Variants in PCDHA3 observed in about 807,000 individuals in gnomAD.
PCDHA3 encodes protocadherin alpha 3, also known as protocadherin alpha-3.
Under a neutral mutation model 62.2 loss-of-function variants are expected in PCDHA3, and 41 were observed. The ratio of observed to expected loss-of-function variants is 0.66; its 90% CI spans 0.51 to 0.86. The LOEUF (loss-of-function observed/expected upper bound fraction) is 0.86. Ranked by LOEUF, PCDHA3 falls within the 40% of genes least tolerant of loss-of-function variation. PCDHA3 has a pLI of 0.00. For synonymous variants in PCDHA3, 640 were observed against 555.4 expected, an observed-to-expected ratio of 1.15 and a Z score of -2.14; for missense variants, 1,304 against 1,241.2, an observed-to-expected ratio of 1.05 and a Z score of -0.76.
chr5:140,843,077 G>A, intron 1 of PCDHA3: 1 of 1,595,414 alleles, frequency 6.3e-7, no homozygotes, highest in South Asian at 1.1e-5. Context: ...GCGGTCTGTG[G>A]GCGCGGGCCA....
chr5:140,812,406 A>G (rs2150029972), intron 1 of PCDHA3: 1 of 151,748 alleles, frequency 6.6e-6, no homozygotes, highest in Admixed American at 6.6e-5. Context: ...GGGGCTTGTC[A>G]GTTTTGTTGT....
intron 1 of PCDHA3, among the ~76,000 whole-genome samples, chr5:140,976,505 C>T (rs538128648): frequency 3.3e-5 from 5 of 152,122 alleles, no homozygotes; most frequent in East Asian, 3.9e-4. Flanking sequence ...GAGCCAAGAT[C>T]GCGCCACTGC....
At chr5:140,858,889 A>G (rs1265560651) in intron 1 of PCDHA3, 1 of 236,296 alleles carries the variant, frequency 4.2e-6, no homozygotes. Context: ...CATGTGTAGA[A>G]TATGTGTAGC....
At chr5:140,872,425 G>A (rs1280008446) in intron 1 of PCDHA3, among the ~76,000 whole-genome samples, 3 of 151,980 alleles carry the variant, frequency 2.0e-5, no homozygotes, top group African/African-American at 7.3e-5. Flanking sequence ...CCAAGAGTTC[G>A]AGGCCTGCCT....
At chr5:140,822,309 C>T (rs2150115372) in intron 1 of PCDHA3, 2 of 1,614,162 alleles carry the variant, frequency 1.2e-6, no homozygotes, top group East Asian at 2.2e-5. Context: ...AATATTTTGA[C>T]TTAGATGTTA....
chr5:140,826,634 T>TTA (rs1768995547), intron 1 of PCDHA3, among the ~76,000 whole-genome samples: 4 of 152,118 alleles, frequency 2.6e-5, no homozygotes, highest in Admixed American at 2.6e-4. Flanking sequence ...GCCCTGACTT[T>TTA]TATATGAAGG....
Position 140,966,227 on chromosome 5 carries a change from A to T in PCDHA3, c.2395-12722A>T, listed in dbSNP as rs556655692. The T allele has an allele frequency of 3.7e-5, 10 of 270,804 alleles. No individual in the cohort carries two copies. The South Asian group carries it at 1.7e-3, about 46-fold the overall frequency. 16.8% of individuals were successfully genotyped at this position (270,804 alleles called of 1,614,324 possible). On this transcript the variant is annotated intron_variant, in intron 1 of 3. Coordinates refer to ENST00000522353, the MANE Select transcript of PCDHA3 (RefSeq NM_018906.3). ...CTGCTTTTCCCAGACTAATCTCCTT[A>T]AAGACCCGTTAAGCAGGGGAGAGAC...
At chr5:140,966,825 T>C in intron 1 of PCDHA3, 3 of 1,560,026 alleles carry the variant, frequency 1.9e-6, no homozygotes, top group Non-Finnish European at 2.6e-6. Flanking sequence ...CGGCGGCCCA[T>C]GCCCTGGCTG....
At chr5:140,870,863 G>A in intron 1 of PCDHA3, 1 of 1,613,928 alleles carries the variant, frequency 6.2e-7, no homozygotes, top group Non-Finnish European at 8.5e-7. Flanking sequence ...GTGGGTGCGG[G>A]CCACGTGGTG....
rs2150121871 is a variant in PCDHA3, at chr5:140,823,063, G to A, written c.2394+19472G>A. The A allele has an allele frequency of 1.8e-5, 29 of 1,614,140 alleles. No homozygotes were observed. Among genetic ancestry groups the A allele is most frequent in the Non-Finnish European group, 2.5e-5 (29 of 1,180,050 alleles). ...GCTGGTGGTGACCGCGCGGGACGGG[G>A]GCTCGCCTTCGCTGTGGGCCACCGC... On this transcript the variant is annotated intron_variant, in intron 1 of 3. Transcript: ENST00000522353.
chr5:140,830,354 C>T (rs2150185231), intron 1 of PCDHA3: 11 of 1,613,990 alleles, frequency 6.8e-6, no homozygotes, highest in African/African-American at 4.0e-5. Context: ...GCAGCAGAGG[C>T]GGCAGAGGGT....
chr5:140,852,232 T>A (rs1441900683), intron 1 of PCDHA3: 2 of 602,048 alleles, frequency 3.3e-6, no homozygotes, highest in African/African-American at 4.0e-5. Context: ...TTTTAAATTT[T>A]CCCTTAAAAC....
chr5:141,010,374 C>A lies in PCDHA3; in HGVS notation c.*437C>A. 2 of 1,459,768 alleles carry A rather than the reference C, an allele frequency of 1.4e-6. No homozygotes were observed. Among genetic ancestry groups the A allele is most frequent in the South Asian group, 1.4e-5 (1 of 73,044 alleles). 90.4% of individuals were successfully genotyped at this position (1,459,768 alleles called of 1,614,324 possible). On this transcript the variant is annotated 3_prime_UTR_variant, in exon 4 of 4. Coordinates refer to ENST00000522353, the MANE Select transcript of PCDHA3 (RefSeq NM_018906.3). ...TGTGGCTACCGCGGGTATGCGAGTG[C>A]CAGATATTGGCTGAGACGAGCCAGC...
At chr5:140,868,767 C>A in intron 1 of PCDHA3, 1 of 249,464 alleles carries the variant, frequency 4.0e-6, no homozygotes, top group East Asian at 8.4e-5. Context: ...TATTTAGTTT[C>A]AATATGACTT....
intron 1 of PCDHA3, chr5:140,815,038 A>T (rs1765640117): frequency 1.3e-5 from 2 of 152,070 alleles, no homozygotes; most frequent in African/African-American, 2.4e-5. Flanking sequence ...TTTGCATGAA[A>T]TTTTTTTAAT....
intron 1 of PCDHA3, chr5:140,805,200 A>G (rs1763525593): frequency 6.9e-7 from 1 of 1,442,696 alleles, no homozygotes; most frequent in African/African-American, 1.4e-5. Context: ...TTGAATAGCT[A>G]CCAAATAAAC....
intron 1 of PCDHA3, among the ~76,000 whole-genome samples, chr5:140,973,039 C>T (rs782146596): frequency 1.3e-5 from 2 of 152,040 alleles, no homozygotes; most frequent in Non-Finnish European, 2.9e-5. Flanking sequence ...ACTTTGAGTA[C>T]TCTAGTAGAT....
At chr5:140,937,927 A>AT (rs201742095) in intron 1 of PCDHA3, among the ~76,000 whole-genome samples, 1 of 149,222 alleles carries the variant, frequency 6.7e-6, no homozygotes, top group Non-Finnish European at 1.5e-5. Flanking sequence ...AAAAAAAAAA[A>AT]GTTTAATTTG....
Position 140,856,254 on chromosome 5 carries a change from G to C in PCDHA3, c.2394+52663G>C, listed in dbSNP as rs1554148458. 6.9e-6 allele frequency: 11 copies of C among 1,598,144 alleles called. No homozygotes were observed. Among genetic ancestry groups the C allele is most frequent in the Admixed American group, 1.7e-5 (1 of 59,266 alleles). ...CGCCTGTTCCGGGTGGCGTCCAAAA[G>C]ACACGGGGACCTTCTGGAGGTAAAT... On this transcript the variant is annotated intron_variant, in intron 1 of 3. Transcript: ENST00000522353.
Sources: gnomAD v4.1 joint callset for allele counts (sites outside exome capture counted in the v4.1 genomes callset) on GRCh38, gnomAD v4.1.1 for gene constraint, MANE v1.5 for transcripts, NCBI Gene and HGNC (gene_info 2026-07-23, HGNC 2026-07-21) for gene names.